Variants in ELAPOR2 observed in about 807,000 individuals in gnomAD.
ELAPOR2 encodes the protein endosome-lysosome associated apoptosis and autophagy regulator family member 2.
A neutral mutation model predicts 120.7 loss-of-function variants in ELAPOR2; 89 were observed. That is an observed-to-expected ratio of 0.74 (90% CI 0.62 to 0.88). ELAPOR2 has a LOEUF of 0.88. ELAPOR2 is among the 40% of genes least tolerant of loss of function. The pLI is 0.00. For missense variants in ELAPOR2, 1,134 were observed against 1,251.6 expected (o/e 0.91, Z 1.42); for synonymous variants, 444 against 444.9 (o/e 1.00, Z 0.03).
chr7:86,884,530 G>T lies in ELAPOR2; in HGVS notation c.3031-4000C>A, dbSNP rs570095773. Among the ~76,000 whole-genome samples the T allele has an allele frequency of 1.2e-4, 19 of 152,270 alleles. 1 individual carries two copies. In the South Asian group the frequency reaches 3.9e-3, roughly 32 times the overall value. On this transcript the variant is annotated intron_variant, in intron 21 of 21. Transcript: ENST00000450689. ...GAGAGCTGACTTTTCACATAGGCTG[G>T]CTCTGCAGAGCTGACTGCAGGATTT...
At chr7:86,920,366 G>A (rs1789773728) in intron 10 of ELAPOR2, among the ~76,000 whole-genome samples, 2 of 152,126 alleles carry the variant, frequency 1.3e-5, no homozygotes, top group African/African-American at 4.8e-5. Context: ...ACAGGCCCTT[G>A]ACTGCAGTAT....
intron 6 of ELAPOR2, among the ~76,000 whole-genome samples, chr7:86,939,498 T>C (rs2116332736): frequency 6.6e-6 from 1 of 152,246 alleles, no homozygotes; most frequent in East Asian, 1.9e-4. Flanking sequence ...ATCACTGCTT[T>C]AATGAAAAAT....
intron 1 of ELAPOR2, among the ~76,000 whole-genome samples, chr7:87,034,225 A>G (rs565605604): frequency 2.6e-5 from 4 of 152,274 alleles, no homozygotes; most frequent in African/African-American, 9.6e-5. Flanking sequence ...AGCAGCTTGG[A>G]TTCACAAGTA....
chr7:86,945,006 G>A lies in ELAPOR2; in HGVS notation c.547C>T (p.Arg183Cys), dbSNP rs1035558382. The change falls in exon 4 of 22, where the codon CGT (arginine) becomes TGT (cysteine). Residue 183 changes from arginine to cysteine, a missense_variant. Coordinates refer to ENST00000450689, the MANE Select transcript of ELAPOR2 (RefSeq NM_001142749.3). ...ATCAAAGACACCGTGCAGTCATCAC[G>A]ATTAGATTCTATGTAGTTTCCACGA... ...IPRGNYIESNRDDCTVSLIYA... is the reference protein window; with the variant it reads ...IPRGNYIESNCDDCTVSLIYA... 4 of 1,550,412 alleles carry A rather than the reference G, an allele frequency of 2.6e-6. No homozygotes were observed. The highest frequency in any genetic ancestry group is 3.5e-6 in the Non-Finnish European group (4 of 1,146,558).
At chr7:87,012,211 A>G (rs1220276219) in intron 1 of ELAPOR2, among the ~76,000 whole-genome samples, 1 of 152,188 alleles carries the variant, frequency 6.6e-6, no homozygotes, top group Non-Finnish European at 1.5e-5. Context: ...GGAGATTGAG[A>G]CCATCCTGGC....
At chr7:86,960,850 A>G (rs1345822051) in intron 2 of ELAPOR2, among the ~76,000 whole-genome samples, 1 of 152,128 alleles carries the variant, frequency 6.6e-6, no homozygotes, top group Non-Finnish European at 1.5e-5. Flanking sequence ...AACGTCCATT[A>G]AATATGGGTT....
intron 1 of ELAPOR2, among the ~76,000 whole-genome samples, chr7:87,052,603 C>T (rs949287026): frequency 6.6e-6 from 1 of 152,166 alleles, no homozygotes; most frequent in Non-Finnish European, 1.5e-5. Context: ...TAACAACTTC[C>T]TAACTAATGT....
At chr7:86,960,048 C>T (rs1791642416) in intron 2 of ELAPOR2, among the ~76,000 whole-genome samples, 1 of 152,088 alleles carries the variant, frequency 6.6e-6, no homozygotes, top group Non-Finnish European at 1.5e-5. Flanking sequence ...TGGTTTCACT[C>T]CATTGTAGTC....
intron 5 of ELAPOR2, among the ~76,000 whole-genome samples, chr7:86,940,665 C>T (rs1428865550): frequency 6.6e-6 from 1 of 152,044 alleles, no homozygotes; most frequent in Non-Finnish European, 1.5e-5. Flanking sequence ...GTTTCCTTTG[C>T]TACTGGAATA....
chr7:86,925,416 A>G (rs974200957), intron 10 of ELAPOR2, 112 bp downstream of exon 10: 17 of 1,068,124 alleles, frequency 1.6e-5, no homozygotes, highest in Non-Finnish European at 2.3e-5. Flanking sequence ...CAGCCAAATG[A>G]TAAGATTGAA....
rs1018621623 is a variant in ELAPOR2 at position 87,041,895 on chromosome 7, C to A, written c.189+17430G>T. ...TCACGTGCAGAGACACACATAGGCT[C>A]AAAATAAAAGGATGGAGGAAGATCT... On this transcript the variant is annotated intron_variant, in intron 1 of 21. Transcript: ENST00000450689. 8.6e-5 allele frequency among the ~76,000 whole-genome samples: 13 copies of A among 151,592 alleles called. 1 individual carries two copies. The highest frequency in any genetic ancestry group is 2.9e-4 in the African/African-American group (12 of 41,008).
At chr7:87,041,426 C>T (rs1794782314) in intron 1 of ELAPOR2, among the ~76,000 whole-genome samples, 1 of 151,908 alleles carries the variant, frequency 6.6e-6, no homozygotes, top group African/African-American at 2.4e-5. Context: ...CGGCATAAAC[C>T]CTACGAGCCA....
At chr7:86,902,966 G>A (rs1241330574) in intron 18 of ELAPOR2, among the ~76,000 whole-genome samples, 4 of 152,000 alleles carry the variant, frequency 2.6e-5, no homozygotes, top group Admixed American at 2.6e-4. Context: ...GATTTTTTAT[G>A]CATAGTTCTT....
At chr7:86,952,326 G>A (rs1237989169) in intron 2 of ELAPOR2, among the ~76,000 whole-genome samples, 1 of 152,174 alleles carries the variant, frequency 6.6e-6, no homozygotes, top group Admixed American at 6.5e-5. Context: ...GAGCCACAGT[G>A]CATTTAAATA....
rs555772645 is a variant in ELAPOR2 at position 86,888,965 on chromosome 7, C to T, written c.3030+2759G>A. ...TTCTTGTGTAGAAGTCAGACACTAA[C>T]TTGCTTCCTCACTAAAAACATGATA... On this transcript the variant is annotated intron_variant, in intron 21 of 21. Transcript: ENST00000450689. Among the ~76,000 whole-genome samples the T allele has an allele frequency of 1.8e-4, 27 of 152,260 alleles. No individual in the cohort carries two copies. In the East Asian group the frequency reaches 3.5e-3, roughly 20 times the overall value.
chr7:86,912,027 G>A lies in ELAPOR2; in HGVS notation c.2169+45C>T, dbSNP rs758756742. On this transcript the variant is annotated intron_variant, in intron 15 of 21. Coordinates refer to ENST00000450689, the MANE Select transcript of ELAPOR2 (RefSeq NM_001142749.3). ...TAACACAGAAAATATCAACTTGATC[G>A]GAGCTGAAATATAGGTCCATCTCAC... is the stretch of plus-strand genomic sequence containing the variant. 63 of 1,537,336 alleles carry A rather than the reference G, an allele frequency of 4.1e-5. No homozygotes were observed. The Middle Eastern group carries it at 7.0e-4, about 17-fold the overall frequency.
chr7:86,887,890 C>A (rs1321326043), intron 21 of ELAPOR2, among the ~76,000 whole-genome samples: 1 of 152,058 alleles, frequency 6.6e-6, no homozygotes, highest in Non-Finnish European at 1.5e-5. Context: ...TACATACACA[C>A]AGACAGACAC....
chr7:86,887,973 A>G lies in ELAPOR2; in HGVS notation c.3030+3751T>C, dbSNP rs183491502. The stretch of plus-strand genomic sequence containing the variant: ...GGATTCTGCCTCACCAATCTAGGGC[A>G]TGATGTGTTATTTACTCCAACAGTA... On this transcript the variant is annotated intron_variant, in intron 21 of 21. Coordinates refer to ENST00000450689, the MANE Select transcript of ELAPOR2 (RefSeq NM_001142749.3). 4.2e-4 allele frequency among the ~76,000 whole-genome samples: 64 copies of G among 152,212 alleles called. 2 individuals carry two copies. The highest frequency in any genetic ancestry group is 2.9e-5 in the Non-Finnish European group (2 of 67,978).
At chr7:86,949,014 G>A (rs1046785433) in intron 2 of ELAPOR2, among the ~76,000 whole-genome samples, 1 of 152,078 alleles carries the variant, frequency 6.6e-6, no homozygotes, top group Non-Finnish European at 1.5e-5. Context: ...ATAAAAATCA[G>A]CTGATTTTTA....
Sources: allele counts gnomAD v4.1 joint callset (sites outside exome capture counted in the v4.1 genomes callset), GRCh38; gene constraint gnomAD v4.1.1; transcripts MANE v1.5; gene names NCBI Gene and HGNC (gene_info 2026-07-23, HGNC 2026-07-21).